Variants in ROGDI observed in about 807,000 individuals in gnomAD.
ROGDI encodes the protein rogdi atypical leucine zipper.
In ROGDI, 46 loss-of-function variants were observed where a neutral mutation model predicts 43.1. The ratio of observed to expected loss-of-function variants is 1.07; its 90% CI spans 0.84 to 1.37. The LOEUF is 1.37. Ranked by LOEUF, ROGDI falls within the 40% of genes most tolerant of loss-of-function variation. The probability of loss-of-function intolerance (pLI) is 0.00; values close to 1 mark genes in which losing one functional copy is unlikely to be tolerated. For synonymous variants in ROGDI, 243 were observed against 162.0 expected, an observed-to-expected ratio of 1.50 and a Z score of -3.80; for missense variants, 518 against 383.9, an observed-to-expected ratio of 1.35 and a Z score of -2.92.
At chr16:4,801,656 C>A in intron 2 of ROGDI, 71 bp from the exon 3 acceptor site, 1 of 1,389,768 alleles carries the variant, frequency 7.2e-7, no homozygotes, top group Non-Finnish European at 9.9e-7. Flanking sequence ...CTTCCAGAAG[C>A]CCCCCTCCCT....
Position 4,797,132 on chromosome 16 carries a change from A to AGGGGAC in ROGDI, c.*322_*327dup, listed in dbSNP as rs2141903845. The AGGGGAC allele has an allele frequency of 3.5e-6, 1 of 287,530 alleles. No homozygotes were observed. Among genetic ancestry groups the AGGGGAC allele is most frequent in the East Asian group, 7.3e-5 (1 of 13,638 alleles). The allele number at this position is 287,530 out of a possible 1,614,324, so 17.8% of individuals were successfully genotyped here. A position where few individuals can be genotyped will look rare whatever the true frequency, so the allele number is the denominator to read the frequency against. ...CCCCGACACCATGCCCTCCAGGGGG[A>AGGGGAC]GGGGACAGCGAAGGGGAGAGGAGGG... On this transcript the variant is annotated 3_prime_UTR_variant, in exon 11 of 11. Transcript: ENST00000322048.
chr16:4,797,998 C>G lies in ROGDI; in HGVS notation c.646-11G>C. Reference sequence around the variant, plus strand: ...AGCTGGGCGGAAGTTCTAGGGAGAACAGCACCAGACCCGTCAGGCCTTGCA... The same window carrying G: ...AGCTGGGCGGAAGTTCTAGGGAGAAGAGCACCAGACCCGTCAGGCCTTGCA... On this transcript the variant is annotated splice_polypyrimidine_tract_variant and intron_variant, in intron 8 of 10. Coordinates refer to ENST00000322048, the MANE Select transcript of ROGDI (RefSeq NM_024589.3). The G allele has an allele frequency of 5.6e-6, 9 of 1,612,390 alleles. No individual in the cohort carries two copies. The highest frequency in any genetic ancestry group is 1.3e-5 in the African/African-American group (1 of 75,044).
chr16:4,801,172 C>T (rs935192158), intron 4 of ROGDI, 95 bp downstream of exon 4: 14 of 1,034,314 alleles, frequency 1.4e-5, no homozygotes, highest in East Asian at 2.5e-5. Context: ...TCAAGGGTCC[C>T]GCCCAGAGTC....
intron 3 of ROGDI, 83 bp downstream of exon 3, chr16:4,801,420 C>G: frequency 2.6e-6 from 4 of 1,556,546 alleles, no homozygotes; most frequent in Non-Finnish European, 1.8e-6. Flanking sequence ...GCACAACCAG[C>G]TGGTCTGCAG....
At chr16:4,800,393 G>A (rs1316035927) in intron 5 of ROGDI, 105 bp downstream of exon 5, 6 of 899,944 alleles carry the variant, frequency 6.7e-6, no homozygotes, top group Non-Finnish European at 1.0e-5. Flanking sequence ...CAGGCTTGCT[G>A]TGGCCACAGA....
intron 6 of ROGDI, 114 bp from the exon 7 acceptor site, chr16:4,798,781 C>G (rs994997145): frequency 2.2e-5 from 19 of 868,552 alleles, no homozygotes; most frequent in Non-Finnish European, 3.0e-5. Context: ...TTCCCAGGTC[C>G]CGAAACCCGG....
intron 2 of ROGDI, chr16:4,801,851 G>A (rs2082727874): frequency 3.4e-6 from 2 of 587,634 alleles, no homozygotes; most frequent in East Asian, 2.9e-5. Context: ...CAGCCTCCCA[G>A]CTTGGTTGAG....
In ROGDI at chr16:4,797,696, C is replaced by A; in HGVS notation, c.822+18G>T. On this transcript the variant is annotated intron_variant, in intron 10 of 10. Transcript: ENST00000322048. Reference sequence around the variant, plus strand: ...TTAGAAGTCCTTCCCCTAATGAAGGCGCTCGGCCCGGGCCCACCTTGTCCT... The same window carrying A: ...TTAGAAGTCCTTCCCCTAATGAAGGAGCTCGGCCCGGGCCCACCTTGTCCT... 4 of 1,200,558 alleles carry A rather than the reference C, an allele frequency of 3.3e-6. No individual in the cohort carries two copies. Among genetic ancestry groups the A allele is most frequent in the Non-Finnish European group, 4.2e-6 (4 of 947,252 alleles). 74.4% of individuals were successfully genotyped at this position (1,200,558 alleles called of 1,614,324 possible).
intron 6 of ROGDI, 89 bp from the exon 7 acceptor site, chr16:4,798,756 G>C (rs1263647467): frequency 9.2e-7 from 1 of 1,088,660 alleles, no homozygotes; most frequent in African/African-American, 1.6e-5. Flanking sequence ...CTCCCACCCA[G>C]CCCAGTGGCT....
chr16:4,797,590 G>C, intron 10 of ROGDI, 89 bp from the exon 11 acceptor site: 2 of 536,246 alleles, frequency 3.7e-6, no homozygotes, highest in Non-Finnish European at 5.0e-6. Flanking sequence ...AATATGTCAG[G>C]ACAGGGCATT....
intron 10 of ROGDI, 62 bp downstream of exon 10, chr16:4,797,652 G>A (rs2082667615): frequency 6.2e-7 from 1 of 1,609,934 alleles, no homozygotes; most frequent in Non-Finnish European, 8.5e-7. Context: ...GGGGCGCTCT[G>A]AGGGTGTGGC....
intron 8 of ROGDI, 25 bp downstream of exon 8, chr16:4,798,046 G>A: frequency 1.9e-6 from 3 of 1,613,378 alleles, no homozygotes; most frequent in Non-Finnish European, 2.5e-6. Flanking sequence ...GGCGGGCAGT[G>A]GGCCGGGCAG....
chr16:4,797,907 G>A lies in ROGDI; in HGVS notation c.695+31C>T, dbSNP rs755343695. ...CCAGGTGTGGAGGGATGGGGTGGGC[G>A]TGCCTGGACCCCCCGCCCCTGCCTA... On this transcript the variant is annotated intron_variant, in intron 9 of 10. Coordinates refer to ENST00000322048, the MANE Select transcript of ROGDI (RefSeq NM_024589.3). The A allele has an allele frequency of 3.2e-5, 52 of 1,600,564 alleles. 1 individual carries two copies. The highest frequency in any genetic ancestry group is 3.3e-4 in the Middle Eastern group (2 of 6,040).
rs990386555 is a variant in ROGDI at position 4,798,068 on chromosome 16, C to T, written c.645+3G>A. ...AGTGGGCCGGGCAGGGGTCCCTCCTCACCTTGGTGGAGTTGGGCTGCAGGG... is the reference window on the plus strand; with the variant it reads ...AGTGGGCCGGGCAGGGGTCCCTCCTTACCTTGGTGGAGTTGGGCTGCAGGG... On this transcript the variant is annotated splice_donor_region_variant and intron_variant, in intron 8 of 10. Coordinates refer to ENST00000322048, the MANE Select transcript of ROGDI (RefSeq NM_024589.3). 9 of 1,613,754 alleles carry T rather than the reference C, an allele frequency of 5.6e-6. No homozygotes were observed. Among genetic ancestry groups the T allele is most frequent in the Non-Finnish European group, 6.8e-6 (8 of 1,179,888 alleles).
chr16:4,798,263 G>T, intron 7 of ROGDI, 79 bp from the exon 8 acceptor site: 1 of 1,160,726 alleles, frequency 8.6e-7, no homozygotes, highest in African/African-American at 1.5e-5. Context: ...AGTCACTCAT[G>T]GAGTCTGCAG....
At chr16:4,798,290 C>A in intron 7 of ROGDI, 106 bp from the exon 8 acceptor site, 2 of 928,806 alleles carry the variant, frequency 2.2e-6, no homozygotes. Flanking sequence ...CCAGTCCCCA[C>A]CCCAGAGATG....
Position 4,797,829 on chromosome 16 carries a change from G to A in ROGDI, c.707C>T (p.Ser236Phe). 1.2e-6 allele frequency: 2 copies of A among 1,611,900 alleles called. No homozygotes were observed. Among genetic ancestry groups the A allele is most frequent in the Non-Finnish European group, 1.7e-6 (2 of 1,179,912 alleles). ...HSPGAMFEWGSQRLEVSHVHK... is the reference protein window; with the variant it reads ...HSPGAMFEWGFQRLEVSHVHK... ...CACGTGGCTCACCTCCAGGCGCTGAGAGCCCCACTCGCTGTGGGCAGTGAG... is the reference window on the plus strand; with the variant it reads ...CACGTGGCTCACCTCCAGGCGCTGAAAGCCCCACTCGCTGTGGGCAGTGAG... The change falls in exon 10 of 11, where the codon TCT becomes TTT. Residue 236 changes from serine (S) to phenylalanine (F), a missense_variant. By Grantham distance (155) the Ser-to-Phe change is radical. Coordinates refer to ENST00000322048, the MANE Select transcript of ROGDI (RefSeq NM_024589.3).
intron 6 of ROGDI, among the ~76,000 whole-genome samples, chr16:4,799,087 G>A (rs1350607950): frequency 6.6e-6 from 1 of 152,084 alleles, no homozygotes; most frequent in Non-Finnish European, 1.5e-5. Flanking sequence ...GCTGATGGAT[G>A]GTGGGACCAC....
intron 4 of ROGDI, chr16:4,800,801 A>G (rs2082705581): frequency 3.5e-6 from 2 of 579,558 alleles, no homozygotes; most frequent in South Asian, 2.1e-5. Context: ...AGTGAAATGG[A>G]AAGAGGTGAA....
Sources: allele counts gnomAD v4.1 joint callset (sites outside exome capture counted in the v4.1 genomes callset), GRCh38; gene constraint gnomAD v4.1.1; transcripts MANE v1.5; gene names NCBI Gene and HGNC (gene_info 2026-07-23, HGNC 2026-07-21).